Variants in NBEA observed in about 807,000 individuals in gnomAD.
NBEA encodes lysosomal-trafficking regulator 2.
Under a neutral mutation model 343.4 loss-of-function variants are expected in NBEA, and 44 were observed. The ratio of observed to expected loss-of-function variants is 0.13; its 90% CI spans 0.10 to 0.16. The LOEUF (loss-of-function observed/expected upper bound fraction) is 0.16. Among genes scored for constraint, NBEA ranks in the 10% least tolerant of loss-of-function variants. NBEA has a pLI of 1.00. For missense variants in NBEA, 2,555 were observed against 3,631.3 expected, an observed-to-expected ratio of 0.70 and a Z score of 7.62; for synonymous variants, 1,175 against 1,238.7, an observed-to-expected ratio of 0.95 and a Z score of 1.08.
chr13:34,947,658 G>A (rs2059227087), intron 1 of NBEA, among the ~76,000 whole-genome samples: 2 of 152,106 alleles, frequency 1.3e-5, no homozygotes, highest in African/African-American at 4.8e-5. Flanking sequence ...CTCCATGAGG[G>A]CAGGAATTGA....
intron 38 of NBEA, among the ~76,000 whole-genome samples, chr13:35,386,893 G>GT (rs1477259759): frequency 3.7e-4 from 57 of 152,168 alleles, no homozygotes; most frequent in African/African-American, 1.3e-3. Context: ...AAAACGAGAG[G>GT]TTTTGTAACA....
chr13:35,028,216 G>T (rs552130956), intron 1 of NBEA, among the ~76,000 whole-genome samples: 1 of 151,718 alleles, frequency 6.6e-6, no homozygotes, highest in Non-Finnish European at 1.5e-5. Flanking sequence ...AAATATTTCC[G>T]GGATTTATAG....
At chr13:35,110,746 A>C in intron 12 of NBEA, 64 bp from the exon 13 acceptor site, 1 of 1,345,196 alleles carries the variant, frequency 7.4e-7, no homozygotes. Context: ...AACTGAATGT[A>C]TATAATATGA....
At chr13:34,943,230 C>A in intron 1 of NBEA, 116 bp downstream of exon 1, 1 of 1,373,686 alleles carries the variant, frequency 7.3e-7, no homozygotes. Flanking sequence ...TCCCTGGGAG[C>A]GCAGAGCGTT....
At chr13:35,221,173 A>G (rs999516238) in intron 33 of NBEA, among the ~76,000 whole-genome samples, 2 of 152,022 alleles carry the variant, frequency 1.3e-5, no homozygotes, top group African/African-American at 4.8e-5. Flanking sequence ...GTGAAACCCC[A>G]TCTCTGCTAA....
At position 34,964,646 on chromosome 13, in the gene NBEA, C is replaced by G. The variant is rs907935439; in HGVS notation, c.294+21532C>G. On this transcript the variant is annotated intron_variant, in intron 1 of 58. Coordinates refer to ENST00000379939, the MANE Select transcript of NBEA (RefSeq NM_001385012.1). ...CAAAAGACCAAAAAGGAGTTGTTTACAGGTGGACTTGGACTGTTCTGAAGA... is the reference window on the plus strand; with the variant it reads ...CAAAAGACCAAAAAGGAGTTGTTTAGAGGTGGACTTGGACTGTTCTGAAGA... 4.6e-5 allele frequency among the ~76,000 whole-genome samples: 7 copies of G among 151,980 alleles called. No individual in the cohort carries two copies. In the South Asian group the frequency reaches 1.5e-3, roughly 31 times the overall value.
intron 1 of NBEA, among the ~76,000 whole-genome samples, chr13:35,025,191 T>C (rs1236074629): frequency 1.3e-5 from 2 of 152,186 alleles, no homozygotes; most frequent in Admixed American, 6.5e-5. Context: ...AAGTCCCACT[T>C]GTTTATTTTT....
chr13:35,475,778 C>A, intron 41 of NBEA: 1 of 1,613,884 alleles, frequency 6.2e-7, no homozygotes, highest in Non-Finnish European at 8.5e-7. Context: ...GAGAGGTAGC[C>A]GGAGGCGGTA....
intron 38 of NBEA, among the ~76,000 whole-genome samples, chr13:35,384,969 T>C (rs11147566): frequency 0.046 from 7,062 of 152,302 alleles, 358 homozygotes; most frequent in African/African-American, 0.13. Flanking sequence ...GAAAATATTA[T>C]CTACTTTTTG....
intron 58 of NBEA, among the ~76,000 whole-genome samples, chr13:35,668,942 G>T (rs975006766): frequency 1.3e-5 from 2 of 152,200 alleles, no homozygotes; most frequent in African/African-American, 4.8e-5. Flanking sequence ...CATAGTGTGG[G>T]CCGTAGCTGG....
At chr13:35,578,702 G>A (rs1350402873) in intron 45 of NBEA, among the ~76,000 whole-genome samples, 1 of 152,130 alleles carries the variant, frequency 6.6e-6, no homozygotes, top group Non-Finnish European at 1.5e-5. Context: ...AGTATCATCA[G>A]CAGTTGTAAT....
chr13:35,475,388 G>C (rs1594757475), intron 41 of NBEA: 3 of 1,613,810 alleles, frequency 1.9e-6, no homozygotes, highest in Non-Finnish European at 2.5e-6. Flanking sequence ...AGGATGGAGA[G>C]GCACTTCTTT....
intron 38 of NBEA, among the ~76,000 whole-genome samples, chr13:35,374,328 G>A (rs971617709): frequency 4.6e-5 from 7 of 152,114 alleles, no homozygotes; most frequent in African/African-American, 1.7e-4. Context: ...AACATTCATG[G>A]CACCCCAAAA....
chr13:35,628,923 A>C (rs1300100940), intron 49 of NBEA, among the ~76,000 whole-genome samples: 1 of 152,230 alleles, frequency 6.6e-6, no homozygotes, highest in Non-Finnish European at 1.5e-5. Flanking sequence ...ATCTCAAAAA[A>C]ATAATAAATA....
intron 37 of NBEA, 55 bp downstream of exon 37, chr13:35,349,271 C>A: frequency 1.0e-6 from 1 of 985,974 alleles, no homozygotes; most frequent in South Asian, 1.7e-5. Context: ...CCAAAAATCA[C>A]CTATCTGTGA....
chr13:35,299,287 T>A (rs2036374641), intron 35 of NBEA, among the ~76,000 whole-genome samples: 1 of 152,134 alleles, frequency 6.6e-6, no homozygotes, highest in Non-Finnish European at 1.5e-5. Flanking sequence ...TTATGATGGA[T>A]TGAATCTCTA....
intron 16 of NBEA, among the ~76,000 whole-genome samples, chr13:35,120,777 A>G (rs117772178): frequency 0.02 from 2,985 of 151,772 alleles, 54 homozygotes; most frequent in Non-Finnish European, 0.031. Flanking sequence ...CCTCTCTTAT[A>G]TAGCTTAGAC....
chr13:35,046,960 C>G (rs968835892), intron 4 of NBEA, among the ~76,000 whole-genome samples: 1 of 151,946 alleles, frequency 6.6e-6, no homozygotes, highest in African/African-American at 2.4e-5. Context: ...TTCACATCTT[C>G]CGTTCATTTA....
At chr13:35,397,779 A>C (rs1258379375) in intron 38 of NBEA, among the ~76,000 whole-genome samples, 1 of 152,180 alleles carries the variant, frequency 6.6e-6, no homozygotes, top group East Asian at 1.9e-4. Context: ...ACTTTAATTT[A>C]AAAATACTTT....
Sources: gnomAD v4.1 joint callset for allele counts (sites outside exome capture counted in the v4.1 genomes callset) on GRCh38, gnomAD v4.1.1 for gene constraint, MANE v1.5 for transcripts, NCBI Gene and HGNC (gene_info 2026-07-23, HGNC 2026-07-21) for gene names.